The following HIGD1C variants were observed in gnomAD, a reference collection of about 807,000 sequenced individuals.
HIGD1C encodes the protein HIG1 domain family member 1C.
Under a neutral mutation model 13.1 loss-of-function variants are expected in HIGD1C, and 11 were observed. That is an observed-to-expected ratio of 0.84 (90% CI 0.53 to 1.39). HIGD1C has a LOEUF of 1.39. Ranked by LOEUF, HIGD1C falls within the 40% of genes most tolerant of loss-of-function variation. HIGD1C has a pLI of 0.00. For synonymous variants in HIGD1C, 36 were observed against 37.7 expected, an observed-to-expected ratio of 0.95 and a Z score of 0.17; for missense variants, 110 against 112.0, an observed-to-expected ratio of 0.98 and a Z score of 0.08.
chr12:50,933,347 G>T, the HIGD1C span, among the ~76,000 whole-genome samples: 1 of 152,306 alleles, frequency 6.6e-6, no homozygotes, highest in African/African-American at 2.4e-5. Flanking sequence ...AGAAAAAAAG[G>T]CAAAACATGT....
chr12:50,944,835 C>T, the HIGD1C span, among the ~76,000 whole-genome samples: 3 of 152,134 alleles, frequency 2.0e-5, no homozygotes, highest in Non-Finnish European at 2.9e-5. Context: ...TGCAATGAGT[C>T]GAGATTGCCC....
At chr12:50,965,851 C>T (rs1442467554) in intron 2 of HIGD1C, among the ~76,000 whole-genome samples, 3 of 152,148 alleles carry the variant, frequency 2.0e-5, no homozygotes, top group Non-Finnish European at 4.4e-5. Flanking sequence ...ATGGTCTTTC[C>T]TTAAGGGGAT....
intron 2 of HIGD1C, among the ~76,000 whole-genome samples, chr12:50,964,020 T>C (rs1939447214): frequency 1.3e-5 from 2 of 152,248 alleles, no homozygotes; most frequent in Admixed American, 6.5e-5. Flanking sequence ...CTTTGGATGA[T>C]GATGATTCCT....
intron 1 of HIGD1C, among the ~76,000 whole-genome samples, chr12:50,955,750 T>C (rs1179146556): frequency 6.6e-6 from 1 of 152,200 alleles, no homozygotes; most frequent in African/African-American, 2.4e-5. Context: ...AATAGTGATT[T>C]ATCTTCCTTA....
intron 2 of HIGD1C, among the ~76,000 whole-genome samples, chr12:50,963,509 C>G (rs1347692626): frequency 2.0e-5 from 3 of 152,086 alleles, no homozygotes; most frequent in Non-Finnish European, 2.9e-5. Context: ...CTCCAAGCCT[C>G]CACATTCACT....
chr12:50,932,604 A>C, the HIGD1C span: 1 of 152,190 alleles, frequency 6.6e-6, no homozygotes, highest in East Asian at 1.9e-4. Context: ...TTAAACATGT[A>C]AATTTTTCTT....
chr12:50,965,287 A>AT (rs77800053), intron 2 of HIGD1C, among the ~76,000 whole-genome samples: 22,862 of 134,514 alleles, frequency 0.17, 2,240 homozygotes, highest in East Asian at 0.5. Flanking sequence ...CTAATTTTTA[A>AT]TTTTTTTTTT....
At chr12:50,938,829 A>G in the HIGD1C span, among the ~76,000 whole-genome samples, 9 of 152,342 alleles carry the variant, frequency 5.9e-5, no homozygotes, top group South Asian at 1.0e-3. Flanking sequence ...TACTCAAAGG[A>G]TATGACAGGA....
chr12:50,934,485 G>A, the HIGD1C span, among the ~76,000 whole-genome samples: 1 of 152,350 alleles, frequency 6.6e-6, no homozygotes, highest in Admixed American at 6.5e-5. Flanking sequence ...AGTGTCTACT[G>A]TGTGCTCTGC....
the HIGD1C span, among the ~76,000 whole-genome samples, chr12:50,935,766 G>A: frequency 3.9e-5 from 6 of 152,118 alleles, no homozygotes; most frequent in Non-Finnish European, 8.8e-5. Flanking sequence ...TGGGATTACA[G>A]GCATTAGCCA....
At chr12:50,957,937 GGTGTGTGTGTGTGTGTGTGTGTGTGT>G (rs71089717) in intron 1 of HIGD1C, among the ~76,000 whole-genome samples, 2 of 132,404 alleles carry the variant, frequency 1.5e-5, no homozygotes, top group African/African-American at 5.5e-5. Context: ...ATGAATTGGA[GGTGTGTGTGTGTGTGTGTGTGTGTGT>G]GTGTGTGTGT....
At chr12:50,953,489 G>T (rs893042882), upstream of HIGD1C, among the ~76,000 whole-genome samples, 2 of 152,214 alleles carry the variant, frequency 1.3e-5, no homozygotes, top group Admixed American at 1.3e-4. Context: ...CACACAGTAG[G>T]TGCTTGGTAA....
At chr12:50,970,537 A>T, downstream of HIGD1C, 1 of 1,334,418 alleles carries the variant, frequency 7.5e-7, no homozygotes, top group South Asian at 1.3e-5. Context: ...GAAAGACAAG[A>T]AGCTTCTGAA....
chr12:50,954,582 C>CG (rs745920542), intron 1 of HIGD1C, among the ~76,000 whole-genome samples: 5 of 152,068 alleles, frequency 3.3e-5, no homozygotes, highest in African/African-American at 7.2e-5. Flanking sequence ...GCTTCTAGGC[C>CG]GGGCACGGTG....
intron 2 of HIGD1C, among the ~76,000 whole-genome samples, chr12:50,968,391 G>T (rs11169638): frequency 0.28 from 41,730 of 150,452 alleles, 6,362 homozygotes; most frequent in African/African-American, 0.4. Flanking sequence ...TTCTTTTTTT[G>T]TGTGTGTGTG....
Position 50,970,480 on chromosome 12 carries a change from C to T in HIGD1C, c.268C>T (p.Arg90Ter), listed in dbSNP as rs556882245. Residue 90 changes from arginine (R) to a stop codon, truncating the protein, a stop_gained, in exon 3 of 3, where the codon CGA (arginine) becomes TGA (stop). Coordinates refer to ENST00000398455, the Ensembl canonical transcript of HIGD1C. LOFTEE classifies it high-confidence loss of function. ...TATGTATAAGGATTACATTAGACCA[C>T]GATTCTTCAGTGAGTCCAAAAAATG... The T allele has an allele frequency of 1.8e-5, 27 of 1,534,242 alleles. No homozygotes were observed. The Middle Eastern group carries it at 5.4e-4, about 31-fold the overall frequency.
chr12:50,938,591 G>A, the HIGD1C span, among the ~76,000 whole-genome samples: 1 of 152,146 alleles, frequency 6.6e-6, no homozygotes, highest in Non-Finnish European at 1.5e-5. Context: ...TGCAGCCCTG[G>A]CCATGCCTCC....
At chr12:50,954,067 T>C (rs1938997796) in exon 1 of HIGD1C, 1 of 1,611,900 alleles carries the variant, frequency 6.2e-7, no homozygotes, top group African/African-American at 1.3e-5. Flanking sequence ...TCAGGAAATC[T>C]AGAGACTCCC....
intron 1 of HIGD1C, among the ~76,000 whole-genome samples, chr12:50,956,457 A>G (rs1323777208): frequency 1.3e-5 from 2 of 152,218 alleles, no homozygotes; most frequent in Non-Finnish European, 2.9e-5. Flanking sequence ...AACAATATCT[A>G]CTATGTATTT....
Sources: allele counts gnomAD v4.1 joint callset (sites outside exome capture counted in the v4.1 genomes callset), GRCh38; gene constraint gnomAD v4.1.1; transcripts MANE v1.5; gene names NCBI Gene and HGNC (gene_info 2026-07-23, HGNC 2026-07-21).